Variants in CLSTN1 observed in about 807,000 individuals in gnomAD.
CLSTN1 encodes calsyntenin-1.
Under a neutral mutation model 108.3 loss-of-function variants are expected in CLSTN1, and 28 were observed. The ratio of observed to expected loss-of-function variants is 0.26; its 90% CI spans 0.19 to 0.35. The LOEUF (loss-of-function observed/expected upper bound fraction) is 0.35. CLSTN1 is among the 10% of genes least tolerant of loss of function. The pLI, the probability that CLSTN1 is intolerant of heterozygous loss-of-function variation, is 1.00. For missense variants in CLSTN1, 1,157 were observed against 1,302.6 expected (o/e 0.89, Z 1.72); for synonymous variants, 524 against 534.9 (o/e 0.98, Z 0.28).
At chr1:9,772,007 C>T (rs531221073) in intron 2 of CLSTN1, among the ~76,000 whole-genome samples, 59 of 150,366 alleles carry the variant, frequency 3.9e-4, no homozygotes, top group African/African-American at 1.3e-3. Flanking sequence ...GACAGAGTCT[C>T]ACTCTGTCGC....
chr1:9,743,414 C>T (rs985792702), intron 9 of CLSTN1, among the ~76,000 whole-genome samples: 1 of 152,092 alleles, frequency 6.6e-6, no homozygotes, highest in Admixed American at 6.6e-5. Flanking sequence ...ACTAGAAATA[C>T]AAAAATTAGC....
intron 1 of CLSTN1, among the ~76,000 whole-genome samples, chr1:9,820,282 G>A (rs920155363): frequency 2.0e-5 from 3 of 152,150 alleles, no homozygotes; most frequent in Admixed American, 6.5e-5. Context: ...CACTGTGGGA[G>A]GCAGAGGCAG....
intron 1 of CLSTN1, among the ~76,000 whole-genome samples, chr1:9,782,040 T>C (rs1325760764): frequency 6.6e-6 from 1 of 152,226 alleles, no homozygotes; most frequent in African/African-American, 2.4e-5. Context: ...AGATTCATTA[T>C]GTATGTCGGA....
rs1163389669 is a variant in CLSTN1 at position 9,729,476 on chromosome 1, C to CTT, written c.*1030_*1031dup. The CTT allele has an allele frequency of 2.0e-5, 3 of 151,490 alleles. No homozygotes were observed. The East Asian group carries it at 5.8e-4, about 29-fold the overall frequency. 9.4% of individuals were successfully genotyped at this position (151,490 alleles called of 1,614,324 possible). On this transcript the variant is annotated 3_prime_UTR_variant, in exon 19 of 19. Transcript: ENST00000377298. ...CAGGCTGTTTTGGAAAATTCCAGCA[C>CTT]TTTGACTTCGGGCCATGCGTCTCTC...
At chr1:9,792,157 G>A (rs1653798095) in intron 1 of CLSTN1, among the ~76,000 whole-genome samples, 1 of 150,968 alleles carries the variant, frequency 6.6e-6, no homozygotes, top group Non-Finnish European at 1.5e-5. Flanking sequence ...CTGCACTCCA[G>A]CTTAGGCGAC....
intron 4 of CLSTN1, 63 bp from the exon 5 acceptor site, chr1:9,751,744 A>T (rs796569273): frequency 9.0e-6 from 13 of 1,446,824 alleles, no homozygotes; most frequent in African/African-American, 5.6e-5. Context: ...AGAGACAGAG[A>T]GTGTGTATGT....
At position 9,730,746 on chromosome 1, in the gene CLSTN1, C is replaced by A; in HGVS notation, c.2749-41G>T. ...GACGGCCACATGAGTCCGGCCCTGCCCACAGCCCCGTCACCTGGCATTCTC... is the reference window on the plus strand; with the variant it reads ...GACGGCCACATGAGTCCGGCCCTGCACACAGCCCCGTCACCTGGCATTCTC... On this transcript the variant is annotated intron_variant, in intron 18 of 18. Coordinates refer to ENST00000377298, the MANE Select transcript of CLSTN1 (RefSeq NM_001009566.3). The surrounding 1 kb of genome is among the most constrained non-coding windows in gnomAD (Gnocchi z 5.6). 6.5e-7 allele frequency: 1 copy of A among 1,536,488 alleles called. No individual in the cohort carries two copies. The highest frequency in any genetic ancestry group is 1.4e-5 in the African/African-American group (1 of 73,132).
intron 2 of CLSTN1, among the ~76,000 whole-genome samples, chr1:9,766,973 T>A (rs1652368474): frequency 2.0e-5 from 3 of 152,204 alleles, no homozygotes. Flanking sequence ...CACACACACA[T>A]GCCTTGTAGT....
At chr1:9,806,242 T>C (rs954331205) in intron 1 of CLSTN1, among the ~76,000 whole-genome samples, 2 of 150,822 alleles carry the variant, frequency 1.3e-5, no homozygotes, top group Non-Finnish European at 3.0e-5. Context: ...GGGGGGGAGG[T>C]TGCAGTGAGC....
intron 13 of CLSTN1, 81 bp downstream of exon 13, chr1:9,735,386 A>T: frequency 6.4e-7 from 1 of 1,571,284 alleles, no homozygotes; most frequent in East Asian, 2.2e-5. Flanking sequence ...TTCCTTACAG[A>T]AGGGGTTAGG....
At chr1:9,809,287 G>A (rs1570520161) in intron 1 of CLSTN1, among the ~76,000 whole-genome samples, 1 of 152,118 alleles carries the variant, frequency 6.6e-6, no homozygotes, top group African/African-American at 2.4e-5. Context: ...GCCCAAATGC[G>A]GATCTGCCTT....
At position 9,787,202 on chromosome 1, in the gene CLSTN1, C is replaced by A. The variant is rs144078921; in HGVS notation, c.92-13808G>T. On this transcript the variant is annotated intron_variant, in intron 1 of 18. Coordinates refer to ENST00000377298, the MANE Select transcript of CLSTN1 (RefSeq NM_001009566.3). ...CCAGAAGAAGGGGCTTCTGTTTCCC[C>A]CTTCTTCCATCCATCCATCCGTCTT... 6.6e-5 allele frequency among the ~76,000 whole-genome samples: 10 copies of A among 151,160 alleles called. No individual in the cohort carries two copies. In the East Asian group the frequency reaches 2.0e-3, roughly 30 times the overall value.
chr1:9,749,840 G>A lies in CLSTN1; in HGVS notation c.723C>T (p.Asp241=). The A allele has an allele frequency of 6.2e-7, 1 of 1,614,056 alleles. No homozygotes were observed. The highest frequency in any genetic ancestry group is 8.5e-7 in the Non-Finnish European group (1 of 1,179,946). ...HQYKLTVTAY[D]CGKKRATEDV... is the part of the protein sequence containing the mutation. ...CTTCTGTGGCTCTTTTCTTCCCACA[G>A]TCATAGGCAGTGACGGTCAGCTTAT... The change falls in exon 6 of 19, where the codon GAC becomes GAT. Residue 241 remains aspartate (D), a synonymous_variant. Coordinates refer to ENST00000377298, the MANE Select transcript of CLSTN1 (RefSeq NM_001009566.3).
At chr1:9,744,059 T>C in intron 8 of CLSTN1, 54 bp from the exon 9 acceptor site, 1 of 1,595,006 alleles carries the variant, frequency 6.3e-7, no homozygotes, top group Non-Finnish European at 8.6e-7. Flanking sequence ...AAAGGAGAAA[T>C]TAAAGCTGTT....
At chr1:9,738,989 G>A (rs1650837816) in intron 10 of CLSTN1, among the ~76,000 whole-genome samples, 1 of 152,094 alleles carries the variant, frequency 6.6e-6, no homozygotes, top group Non-Finnish European at 1.5e-5. Context: ...AAGGTACAAT[G>A]TTTCCATAGG....
At position 9,730,820 on chromosome 1, in the gene CLSTN1, C is replaced by G. The variant is rs1213302211; in HGVS notation, c.2749-115G>C. ...AGAACTTGCCCCAGCGTCTCCCTCC[C>G]CAGCGACAGAGCAGCCAGGACGGCA... On this transcript the variant is annotated intron_variant, in intron 18 of 18. Transcript: ENST00000377298. This position sits in a 1 kb window ranked among gnomAD's most constrained non-coding sequence, Gnocchi z 5.6. 3 of 1,005,088 alleles carry G rather than the reference C, an allele frequency of 3.0e-6. No homozygotes were observed. The highest frequency in any genetic ancestry group is 2.6e-5 in the East Asian group (1 of 38,180). The allele number at this position is 1,005,088 out of a possible 1,614,324, so 62.3% of individuals were successfully genotyped here. A position where few individuals can be genotyped will look rare whatever the true frequency, so the allele number is the denominator to read the frequency against.
rs748149329 is a variant in CLSTN1, at chr1:9,775,976, CT to C, written c.92-2583del. Among the ~76,000 whole-genome samples the C allele has an allele frequency of 4.3e-3, 619 of 144,112 alleles. 1 individual carries two copies. Among genetic ancestry groups the C allele is most frequent in the Non-Finnish European group, 3.5e-3 (226 of 65,228 alleles). The allele number at this position is 144,112 out of a possible 152,430, so 94.5% of individuals were successfully genotyped here. A position where few individuals can be genotyped will look rare whatever the true frequency, so the allele number is the denominator to read the frequency against. Reference sequence around the variant, plus strand: ...AGACCAGAACAAAGCTGCCTCCTCTCTTTTTTTTTTTTTTGAGATGGAGCCT... The same window carrying C: ...AGACCAGAACAAAGCTGCCTCCTCTCTTTTTTTTTTTTTGAGATGGAGCCT... On this transcript the variant is annotated intron_variant, in intron 1 of 18. Transcript: ENST00000377298.
At position 9,805,516 on chromosome 1, in the gene CLSTN1, C is replaced by T. The variant is rs146213377; in HGVS notation, c.91+18127G>A. Among the ~76,000 whole-genome samples, 685 of 152,228 alleles carry T rather than the reference C, an allele frequency of 4.5e-3. 8 individuals carry two copies. The highest frequency in any genetic ancestry group is 0.015 in the African/African-American group (623 of 41,534). ...ATGAGATTAGCAAAAACTTAAAATG[C>T]CAGTCTTCTTACTAAGTTGTTTCTG... is the stretch of plus-strand genomic sequence containing the variant. On this transcript the variant is annotated intron_variant, in intron 1 of 18. Transcript: ENST00000377298.
At chr1:9,817,671 G>A (rs761709914) in intron 1 of CLSTN1, among the ~76,000 whole-genome samples, 4 of 152,134 alleles carry the variant, frequency 2.6e-5, no homozygotes, top group Non-Finnish European at 4.4e-5. Flanking sequence ...TTTAAACTCT[G>A]CTACTTTGAA....
Sources: allele counts gnomAD v4.1 joint callset (sites outside exome capture counted in the v4.1 genomes callset), GRCh38; gene constraint gnomAD v4.1.1; non-coding constraint Gnocchi (gnomAD v3.1); transcripts MANE v1.5; gene names NCBI Gene and HGNC (gene_info 2026-07-23, HGNC 2026-07-21).